The following ZBTB7A variants were observed in gnomAD, a reference collection of about 807,000 sequenced individuals.
ZBTB7A encodes the protein zinc finger and BTB domain-containing protein 7A.
In ZBTB7A, 7 loss-of-function variants were observed where a neutral mutation model predicts 26.7. The observed-to-expected ratio is 0.26, with a 90% CI of 0.15 to 0.49. ZBTB7A has a LOEUF of 0.49. Ranked by LOEUF, ZBTB7A falls within the 20% of genes least tolerant of loss-of-function variation. The probability of loss-of-function intolerance (pLI) is 0.98; values close to 1 mark genes in which losing one functional copy is unlikely to be tolerated. For synonymous variants in ZBTB7A, 452 were observed against 441.0 expected (o/e 1.02, Z -0.31); for missense variants, 617 against 919.5 (o/e 0.67, Z 4.25).
At chr19:4,053,443 CTG>C (rs1409881900) in intron 2 of ZBTB7A, among the ~76,000 whole-genome samples, 2 of 151,764 alleles carry the variant, frequency 1.3e-5, no homozygotes, top group East Asian at 1.9e-4. Flanking sequence ...ATGTACGTGT[CTG>C]TGTGCATGTG....
intron 2 of ZBTB7A, among the ~76,000 whole-genome samples, chr19:4,049,453 C>T (rs890766033): frequency 1.3e-5 from 2 of 151,562 alleles, no homozygotes; most frequent in African/African-American, 2.4e-5. Flanking sequence ...ATGCCACAGA[C>T]CTTTGCCGAG....
Position 4,049,212 on chromosome 19 carries a change from A to ATATATATATATATATAT in ZBTB7A, c.1263-969_1263-968insATATATATATATATATA, listed in dbSNP as rs1396362012. On this transcript the variant is annotated intron_variant, in intron 2 of 2. Transcript: ENST00000322357. Reference sequence around the variant, plus strand: ...TATATATATATATATATATATATGTAAGTTTGAGAGATGGGGGTTGAGCTA... The same window carrying ATATATATATATATATAT: ...TATATATATATATATATATATATGTATATATATATATATATATAGTTTGAGAGATGGGGGTTGAGCTA... Among the ~76,000 whole-genome samples, 17 of 23,298 alleles carry ATATATATATATATATAT rather than the reference A, an allele frequency of 7.3e-4. 2 individuals are homozygous for ATATATATATATATATAT. Among genetic ancestry groups the ATATATATATATATATAT allele is most frequent in the Admixed American group, 3.0e-3 (3 of 1,016 alleles). 15.3% of individuals were successfully genotyped at this position (23,298 alleles called of 152,430 possible).
chr19:4,052,378 A>C lies in ZBTB7A; in HGVS notation c.1262+1593T>G, dbSNP rs1163616332. Among the ~76,000 whole-genome samples, 1 of 151,894 alleles carries C rather than the reference A, an allele frequency of 6.6e-6. No individual in the cohort carries two copies. The highest frequency in any genetic ancestry group is 1.5e-5 in the Non-Finnish European group (1 of 67,934). On this transcript the variant is annotated intron_variant, in intron 2 of 2. Coordinates refer to ENST00000322357, the MANE Select transcript of ZBTB7A (RefSeq NM_015898.4). The surrounding 1 kb of genome is among the most constrained non-coding windows in gnomAD (Gnocchi z 4.9). ...CCAAGACCTCCAGTACCCCAACCTC[A>C]CCAAGGAGGGACAAACCACCAGCTA... is the stretch of plus-strand genomic sequence containing the variant.
chr19:4,062,011 G>A (rs1176760083), intron 1 of ZBTB7A: 1 of 152,280 alleles, frequency 6.6e-6, no homozygotes, highest in Non-Finnish European at 1.5e-5. Context: ...AGAGGCCGAG[G>A]TGACCTCTCT....
At chr19:4,055,922 C>G (rs773302301) in intron 1 of ZBTB7A, among the ~76,000 whole-genome samples, 8 of 152,224 alleles carry the variant, frequency 5.3e-5, no homozygotes, top group Non-Finnish European at 1.2e-4. Flanking sequence ...GGCACCCGGC[C>G]AAGACTGTTT....
rs1361146118 is a variant in ZBTB7A, at chr19:4,043,548, C to T, written c.*4204G>A. ...TCTGTGCTCTGTACCCTGAGGGCGC[C>T]GCCCCGCCCCCCATTCACCAGGCCT... On this transcript the variant is annotated 3_prime_UTR_variant, in exon 3 of 3. Coordinates refer to ENST00000322357, the MANE Select transcript of ZBTB7A (RefSeq NM_015898.4). 2.0e-5 allele frequency among the ~76,000 whole-genome samples: 3 copies of T among 151,750 alleles called. No homozygotes were observed. The highest frequency in any genetic ancestry group is 4.4e-5 in the Non-Finnish European group (3 of 67,926).
At chr19:4,051,207 G>GGGAGCCCTGGGTCTCA (rs2040501502) in intron 2 of ZBTB7A, among the ~76,000 whole-genome samples, 2 of 151,978 alleles carry the variant, frequency 1.3e-5, no homozygotes, top group Non-Finnish European at 2.9e-5. Context: ...GAGGGCAGGA[G>GGGAGCCCTGGGTCTCA]GGAGCCCTGG....
At chr19:4,057,339 G>C (rs1037166017) in intron 1 of ZBTB7A, among the ~76,000 whole-genome samples, 2 of 152,090 alleles carry the variant, frequency 1.3e-5, no homozygotes, top group Non-Finnish European at 2.9e-5. Flanking sequence ...GCGAAACTCC[G>C]TGTTGGAAAA....
rs541067510 is a variant in ZBTB7A, at chr19:4,058,541, C to T, written c.-15-3294G>A. Among the ~76,000 whole-genome samples the T allele has an allele frequency of 2.0e-4, 31 of 152,330 alleles. No homozygotes were observed. In the East Asian group the frequency reaches 5.8e-3, roughly 29 times the overall value. ...CACCCCTCCGCCCTCTCCTGGGAGC[C>T]CCTGGCGGCCCCGAGTCACCCAGCA... On this transcript the variant is annotated intron_variant, in intron 1 of 2. Transcript: ENST00000322357.
intron 1 of ZBTB7A, among the ~76,000 whole-genome samples, chr19:4,057,272 C>T (rs139390720): frequency 6.9e-4 from 103 of 149,090 alleles, no homozygotes; most frequent in African/African-American, 1.7e-3. Flanking sequence ...CGCTTGAACC[C>T]GGGAGGCGGG....
At chr19:4,065,278 C>T (rs973774841) in intron 1 of ZBTB7A, among the ~76,000 whole-genome samples, 3 of 149,796 alleles carry the variant, frequency 2.0e-5, no homozygotes, top group African/African-American at 7.3e-5. Context: ...GCCGTCCGGG[C>T]AGGGCGAGGG....
At chr19:4,063,181 G>A (rs1015608636) in intron 1 of ZBTB7A, among the ~76,000 whole-genome samples, 4 of 152,122 alleles carry the variant, frequency 2.6e-5, no homozygotes, top group Non-Finnish European at 2.9e-5. Context: ...AGTTTCCGCC[G>A]CGGAGGAGAA....
At position 4,043,844 on chromosome 19, in the gene ZBTB7A, A is replaced by ACCCCCCCCCCC. The variant is rs1260802263; in HGVS notation, c.*3897_*3907dup. 4.2e-5 allele frequency among the ~76,000 whole-genome samples: 2 copies of ACCCCCCCCCCC among 47,674 alleles called. No individual in the cohort carries two copies. Among genetic ancestry groups the ACCCCCCCCCCC allele is most frequent in the Admixed American group, 2.1e-4 (1 of 4,664 alleles). 31.3% of individuals were successfully genotyped at this position (47,674 alleles called of 152,430 possible). A position where few individuals can be genotyped will look rare whatever the true frequency, so the allele number is the denominator to read the frequency against. ...ACCCGTCCTGCGCCAGCCACCCACC[A>ACCCCCCCCCCC]CCCCCCCCCCCCCACCTCCAGGAAG... On this transcript the variant is annotated 3_prime_UTR_variant, in exon 3 of 3. Coordinates refer to ENST00000322357, the MANE Select transcript of ZBTB7A (RefSeq NM_015898.4).
intron 1 of ZBTB7A, among the ~76,000 whole-genome samples, chr19:4,056,664 TCGAGACCATC>T (rs2040581625): frequency 6.6e-6 from 1 of 151,638 alleles, no homozygotes; most frequent in Non-Finnish European, 1.5e-5. Flanking sequence ...GGTCAGGAGA[TCGAGACCATC>T]CTGGCTGACA....
At position 4,047,798 on chromosome 19, in the gene ZBTB7A, C is replaced by A. The variant is rs1224988291; in HGVS notation, c.1709G>T (p.Gly570Val). The change falls in exon 3 of 3, where the codon GGC becomes GTC. Residue 570 changes from glycine to valine, a missense_variant. Gly to Val is a moderately radical substitution (Grantham distance 109, BLOSUM62 -3). Around this residue, in one of 5 missense-constraint regions of ZBTB7A, gnomAD observed 136 missense variants for 126.6 expected, o/e 1.07. Transcript: ENST00000322357. Reference protein sequence around the residue: ...GAGGGGDSGGGPGAATDGNFT... With the variant: ...GAGGGGDSGGVPGAATDGNFT... ...GTTACCGTCGGTGGCGGCCCCGGGG[C>A]CACCTCCGCTGTCACCTCCTCCACC... is the stretch of plus-strand genomic sequence containing the variant. 1 of 1,602,266 alleles carries A rather than the reference C, an allele frequency of 6.2e-7. No individual in the cohort carries two copies. The highest frequency in any genetic ancestry group is 2.3e-5 in the East Asian group (1 of 43,684).
At chr19:4,059,527 C>T (rs573857994) in intron 1 of ZBTB7A, among the ~76,000 whole-genome samples, 1 of 152,288 alleles carries the variant, frequency 6.6e-6, no homozygotes, top group South Asian at 2.1e-4. Flanking sequence ...ACTGTGGCCG[C>T]GTTTTACAGA....
At chr19:4,058,688 C>T (rs2040609020) in intron 1 of ZBTB7A, among the ~76,000 whole-genome samples, 2 of 152,246 alleles carry the variant, frequency 1.3e-5, no homozygotes, top group Admixed American at 1.3e-4. Context: ...ACCCTCCTGT[C>T]CCCCAGCCCA....
At position 4,048,293 on chromosome 19, in the gene ZBTB7A, C is replaced by A. The variant is rs781483584; in HGVS notation, c.1263-49G>T. The A allele has an allele frequency of 6.6e-7, 1 of 1,511,120 alleles. No individual in the cohort carries two copies. The highest frequency in any genetic ancestry group is 2.6e-5 in the East Asian group (1 of 38,212). The allele number at this position is 1,511,120 out of a possible 1,614,324, so 93.6% of individuals were successfully genotyped here. ...CACGGTCAGTGGGGCCGGGGACCCC[C>A]GATCCCCGCCCAGGGACCCTCACGG... On this transcript the variant is annotated intron_variant, in intron 2 of 2. Transcript: ENST00000322357. This position sits in a 1 kb window ranked among gnomAD's most constrained non-coding sequence, Gnocchi z 6.7.
chr19:4,055,008 G>A lies in ZBTB7A; in HGVS notation c.225C>T (p.Tyr75=), dbSNP rs770911383. 1.2e-6 allele frequency: 2 copies of A among 1,611,544 alleles called. No homozygotes were observed. Among genetic ancestry groups the A allele is most frequent in the East Asian group, 2.2e-5 (1 of 44,830 alleles). The change falls in exon 2 of 3, where the codon TAC becomes TAT. Residue 75 remains tyrosine (Y), a synonymous_variant. Coordinates refer to ENST00000322357, the MANE Select transcript of ZBTB7A (RefSeq NM_015898.4). The part of the protein sequence containing the change: ...SGAVVDQQNV[Y]EIDFVSAEAL... ...CCTCGGCGCTGACGAAGTCGATCTC[G>A]TACACGTTCTGCTGGTCCACCACGG...
Sources: gnomAD v4.1 joint callset for allele counts (sites outside exome capture counted in the v4.1 genomes callset) on GRCh38, gnomAD v4.1.1 for gene constraint, gnomAD v4.1.1 regional missense constraint, Gnocchi (gnomAD v3.1) non-coding constraint, MANE v1.5 for transcripts, NCBI Gene and HGNC (gene_info 2026-07-23, HGNC 2026-07-21) for gene names.